ARID1B: variants seen among roughly 807,000 people sequenced by gnomAD.
ARID1B encodes the protein AT-rich interactive domain-containing protein 1B.
A neutral mutation model predicts 212.3 loss-of-function variants in ARID1B; 30 were observed. The observed-to-expected ratio is 0.14, with a 90% CI of 0.11 to 0.19. ARID1B has a LOEUF of 0.19. ARID1B is among the 10% of genes least tolerant of loss of function. The probability of loss-of-function intolerance (pLI) is 1.00; values close to 1 mark genes in which losing one functional copy is unlikely to be tolerated. For missense variants in ARID1B, 2,891 were observed against 3,204.0 expected (o/e 0.90, Z 2.36); for synonymous variants, 1,402 against 1,301.7 (o/e 1.08, Z -1.66).
At chr6:157,007,328 A>G (rs1779305258) in intron 4 of ARID1B, among the ~76,000 whole-genome samples, 1 of 152,240 alleles carries the variant, frequency 6.6e-6, no homozygotes, top group South Asian at 2.1e-4. Flanking sequence ...TACTTATATT[A>G]CTTTCATAAT....
intron 2 of ARID1B, among the ~76,000 whole-genome samples, chr6:156,875,765 C>T (rs190572880): frequency 1.3e-5 from 2 of 152,280 alleles, no homozygotes; most frequent in Admixed American, 6.5e-5. Flanking sequence ...TGGCTTACTG[C>T]CGTGTTGTGC....
At chr6:157,080,368 C>A (rs891598295) in intron 4 of ARID1B, among the ~76,000 whole-genome samples, 1 of 152,144 alleles carries the variant, frequency 6.6e-6, no homozygotes, top group Non-Finnish European at 1.5e-5. Flanking sequence ...AGCTAACTTA[C>A]GCTAAATTGA....
chr6:156,829,261 C>T lies in ARID1B; in HGVS notation c.1826C>T (p.Pro609Leu), dbSNP rs2128045984. 1.2e-6 allele frequency: 2 copies of T among 1,614,150 alleles called. No homozygotes were observed. The highest frequency in any genetic ancestry group is 1.1e-5 in the South Asian group (1 of 91,076). The change falls in exon 2 of 20, where the codon CCT becomes CTT. Residue 609 changes from proline to leucine, a missense_variant. Pro to Leu is a moderately conservative substitution (Grantham distance 98). This residue lies in a region of ARID1B where 1,643 missense variants were observed against 1,544.0 expected (regional missense o/e 1.06). Coordinates refer to ENST00000636930, the MANE Select transcript of ARID1B (RefSeq NM_001374828.1). ...ATGGATCCAATGGTGATGAAGAGAC[C>T]TCAGTTGTATGGCATGGGCAGTAAC... ...SPMDPMVMKR[P>L]QLYGMGSNPH...
chr6:157,090,736 GGCTGGCT>G (rs1279423866), intron 5 of ARID1B, among the ~76,000 whole-genome samples: 3 of 152,214 alleles, frequency 2.0e-5, no homozygotes, highest in African/African-American at 7.2e-5. Context: ...ACTACCTGCT[GGCTGGCT>G]GGGCATGAGG....
chr6:156,973,642 A>T (rs1288994043), intron 4 of ARID1B, among the ~76,000 whole-genome samples: 1 of 152,186 alleles, frequency 6.6e-6, no homozygotes, highest in Non-Finnish European at 1.5e-5. Flanking sequence ...ATTCTATATT[A>T]GTTTACTTTT....
chr6:156,796,368 C>T (rs1051190480), intron 1 of ARID1B, among the ~76,000 whole-genome samples: 1 of 149,190 alleles, frequency 6.7e-6, no homozygotes, highest in Non-Finnish European at 1.5e-5. Flanking sequence ...GCTTTTTAGG[C>T]TTTTGCCATG....
intron 4 of ARID1B, among the ~76,000 whole-genome samples, chr6:156,964,653 G>A (rs1303957639): frequency 6.6e-6 from 1 of 152,192 alleles, no homozygotes; most frequent in Non-Finnish European, 1.5e-5. Flanking sequence ...AAAGAATATA[G>A]ATTTTAAAAC....
At chr6:157,198,631 C>T (rs1448561307) in intron 16 of ARID1B, 180 bp from the exon 17 acceptor site, 7 of 547,774 alleles carry the variant, frequency 1.3e-5, no homozygotes, top group Admixed American at 3.1e-5. Context: ...TGGGTGTTCC[C>T]ATCCCTGGTG....
intron 1 of ARID1B, among the ~76,000 whole-genome samples, chr6:156,824,752 G>A (rs1042350670): frequency 6.6e-6 from 1 of 152,110 alleles, no homozygotes; most frequent in South Asian, 2.1e-4. Context: ...GTGACAGAGC[G>A]AGACCCTGTC....
intron 2 of ARID1B, chr6:156,871,493 G>C: frequency 1.2e-6 from 1 of 812,734 alleles, no homozygotes; most frequent in Non-Finnish European, 2.1e-6. Context: ...GGGACCTGAG[G>C]TTTTCTTGGA....
rs548563783 is a variant in ARID1B at position 157,200,253 on chromosome 6, C to T, written c.4480-452C>T. Among the ~76,000 whole-genome samples the T allele has an allele frequency of 1.6e-4, 25 of 152,262 alleles. No individual in the cohort carries two copies. Among genetic ancestry groups the T allele is most frequent in the African/African-American group, 5.5e-4 (23 of 41,550 alleles). On this transcript the variant is annotated intron_variant, in intron 17 of 19. Coordinates refer to ENST00000636930, the MANE Select transcript of ARID1B (RefSeq NM_001374828.1). This position sits in a 1 kb window ranked among gnomAD's most constrained non-coding sequence, Gnocchi z 4.3. ...CCAGTCTGGGGAGCCGAGTCCTGTTCGGGGGCTTTTCTGTAAAATGAGGCC... is the reference window on the plus strand; with the variant it reads ...CCAGTCTGGGGAGCCGAGTCCTGTTTGGGGGCTTTTCTGTAAAATGAGGCC...
intron 4 of ARID1B, among the ~76,000 whole-genome samples, chr6:156,965,545 T>C (rs1268133634): frequency 6.6e-6 from 1 of 152,240 alleles, no homozygotes; most frequent in African/African-American, 2.4e-5. Context: ...GTATTAATAG[T>C]TGTAGAAAGA....
At chr6:157,139,392 G>A (rs1332353181) in intron 7 of ARID1B, among the ~76,000 whole-genome samples, 1 of 152,154 alleles carries the variant, frequency 6.6e-6, no homozygotes, top group Non-Finnish European at 1.5e-5. Flanking sequence ...ATGTTTAAAA[G>A]GAAATTACCT....
intron 9 of ARID1B, 105 bp from the exon 10 acceptor site, chr6:157,173,903 G>T (rs1791894836): frequency 2.2e-6 from 2 of 898,552 alleles, no homozygotes; most frequent in Admixed American, 2.6e-5. Flanking sequence ...TTCCTTCAAG[G>T]GAAATGCAAG....
chr6:156,914,763 C>A (rs115762872), intron 3 of ARID1B, among the ~76,000 whole-genome samples: 2,199 of 152,300 alleles, frequency 0.014, 51 homozygotes, highest in African/African-American at 0.05. Context: ...CCAAAGCGGG[C>A]CTCTGGCCAC....
Position 157,108,419 on chromosome 6 carries a change from G to A in ARID1B, c.2492-2053G>A, listed in dbSNP as rs537174316. On this transcript the variant is annotated intron_variant, in intron 5 of 19. Coordinates refer to ENST00000636930, the MANE Select transcript of ARID1B (RefSeq NM_001374828.1). Reference sequence around the variant, plus strand: ...AATTACTGTTTGTTTTTACTGTCATGAGTCTATGAATCCAGCCTGTCATGC... The same window carrying A: ...AATTACTGTTTGTTTTTACTGTCATAAGTCTATGAATCCAGCCTGTCATGC... Among the ~76,000 whole-genome samples the A allele has an allele frequency of 1.1e-3, 165 of 152,292 alleles. 1 individual carries two copies. The highest frequency in any genetic ancestry group is 7.7e-3 in the South Asian group (37 of 4,818).
Position 157,127,783 on chromosome 6 carries a change from C to CAA in ARID1B, c.2582-5223_2582-5222dup, listed in dbSNP as rs61172896. Among the ~76,000 whole-genome samples, 429 of 55,996 alleles carry CAA rather than the reference C, an allele frequency of 7.7e-3. 7 individuals are homozygous for CAA. Among genetic ancestry groups the CAA allele is most frequent in the Middle Eastern group, 0.011 (1 of 90 alleles). The allele number at this position is 55,996 out of a possible 152,430, so 36.7% of individuals were successfully genotyped here. ...TGGGTGACAGAGTGAGACTCTGTCTCAAAAAAAAAAAAAAAAAAAAAAACA... is the reference window on the plus strand; with the variant it reads ...TGGGTGACAGAGTGAGACTCTGTCTCAAAAAAAAAAAAAAAAAAAAAAAAACA... On this transcript the variant is annotated intron_variant, in intron 6 of 19. Coordinates refer to ENST00000636930, the MANE Select transcript of ARID1B (RefSeq NM_001374828.1).
intron 4 of ARID1B, among the ~76,000 whole-genome samples, chr6:157,025,517 T>C (rs1780603079): frequency 6.6e-6 from 1 of 152,272 alleles, no homozygotes; most frequent in African/African-American, 2.4e-5. Flanking sequence ...GTTTTCTTTC[T>C]CTGTAGATTG....
chr6:157,171,573 T>C (rs1791720353), intron 9 of ARID1B, among the ~76,000 whole-genome samples: 1 of 152,184 alleles, frequency 6.6e-6, no homozygotes, highest in East Asian at 1.9e-4. Flanking sequence ...TCTGATCCAT[T>C]TAGTAAAATA....
Sources: allele counts gnomAD v4.1 joint callset (sites outside exome capture counted in the v4.1 genomes callset), GRCh38; gene constraint gnomAD v4.1.1; regional missense constraint gnomAD v4.1.1; non-coding constraint Gnocchi (gnomAD v3.1); transcripts MANE v1.5; gene names NCBI Gene and HGNC (gene_info 2026-07-23, HGNC 2026-07-21).